The following TXNL1 variants were observed in gnomAD, a reference collection of about 807,000 sequenced individuals.
TXNL1 encodes the protein thioredoxin-like protein 1.
A neutral mutation model predicts 35.5 loss-of-function variants in TXNL1; 14 were observed. The ratio of observed to expected loss-of-function variants is 0.39; its 90% CI spans 0.26 to 0.62. The LOEUF (loss-of-function observed/expected upper bound fraction) is 0.62. Ranked by LOEUF, TXNL1 falls within the 20% of genes least tolerant of loss-of-function variation. The pLI is 0.47. For missense variants in TXNL1, 263 were observed against 349.7 expected, an observed-to-expected ratio of 0.75 and a Z score of 1.98; for synonymous variants, 110 against 115.5, an observed-to-expected ratio of 0.95 and a Z score of 0.31.
chr18:56,604,849 T>C (rs1044917821), intron 7 of TXNL1, among the ~76,000 whole-genome samples: 11 of 152,132 alleles, frequency 7.2e-5, no homozygotes, highest in African/African-American at 2.7e-4. Context: ...TAAAAGAACT[T>C]GATGCAACTG....
At chr18:56,606,201 C>A (rs1385763115) in intron 7 of TXNL1, among the ~76,000 whole-genome samples, 3 of 152,058 alleles carry the variant, frequency 2.0e-5, no homozygotes, top group East Asian at 3.9e-4. Flanking sequence ...ACGGTGAAAC[C>A]CCGTCTCTAC....
intron 3 of TXNL1, among the ~76,000 whole-genome samples, chr18:56,623,965 T>C (rs1421706934): frequency 6.6e-6 from 1 of 152,196 alleles, no homozygotes; most frequent in Non-Finnish European, 1.5e-5. Flanking sequence ...AATGCACATT[T>C]CTACATTTTC....
At chr18:56,622,537 C>A (rs974221434) in intron 3 of TXNL1, among the ~76,000 whole-genome samples, 2 of 151,948 alleles carry the variant, frequency 1.3e-5, no homozygotes, top group Admixed American at 1.3e-4. Context: ...TTGATTGACA[C>A]CTGACAGAAA....
chr18:56,637,887 AT>A (rs2024481608), intron 1 of TXNL1, among the ~76,000 whole-genome samples: 1 of 152,234 alleles, frequency 6.6e-6, no homozygotes, highest in African/African-American at 2.4e-5. Context: ...CCCCATCTGA[AT>A]CTTCAAAGGC....
chr18:56,612,602 T>C (rs2024015387), intron 6 of TXNL1, among the ~76,000 whole-genome samples: 1 of 152,066 alleles, frequency 6.6e-6, no homozygotes, highest in Non-Finnish European at 1.5e-5. Context: ...CTGAACTCTT[T>C]AGTGCAAGTG....
At position 56,601,852 on chromosome 18, in the gene TXNL1, T is replaced by TA. The variant is rs1276191046; in HGVS notation, c.*1174dup. The TA allele has an allele frequency of 1.3e-5, 2 of 152,210 alleles. No individual in the cohort carries two copies. The highest frequency in any genetic ancestry group is 2.9e-5 in the Non-Finnish European group (2 of 68,016). The allele number at this position is 152,210 out of a possible 1,614,324, so 9.4% of individuals were successfully genotyped here. On this transcript the variant is annotated 3_prime_UTR_variant, in exon 8 of 8. Coordinates refer to ENST00000217515, the MANE Select transcript of TXNL1 (RefSeq NM_004786.3). ...TACTTTTTAGATTACAATTTTAAGA[T>TA]AAAAAAGGTAACGAATAGGTATTTT...
intron 2 of TXNL1, 81 bp from the exon 3 acceptor site, chr18:56,624,542 A>T (rs1304187576): frequency 7.0e-7 from 1 of 1,427,876 alleles, no homozygotes; most frequent in African/African-American, 1.4e-5. Flanking sequence ...TATGGAAGTT[A>T]AATACCATAA....
chr18:56,630,092 G>A (rs1186919190), intron 1 of TXNL1, among the ~76,000 whole-genome samples: 2 of 151,976 alleles, frequency 1.3e-5, no homozygotes, highest in Admixed American at 6.6e-5. Context: ...CCAGCTATTC[G>A]GGAGGCTGAG....
rs1160643670 is a variant in TXNL1, at chr18:56,599,379, T to G, written c.*3648A>C. On this transcript the variant is annotated 3_prime_UTR_variant, in exon 8 of 8. Coordinates refer to ENST00000217515, the MANE Select transcript of TXNL1 (RefSeq NM_004786.3). The stretch of plus-strand genomic sequence containing the variant: ...CTTCCTTAAGAAGTATAGGCTTAAC[T>G]GGGGAATAGTCAATATTTTAAAATT... The G allele has an allele frequency of 9.2e-5, 14 of 152,108 alleles. No individual in the cohort carries two copies. In the South Asian group the frequency reaches 1.2e-3, roughly 14 times the overall value. 9.4% of individuals were successfully genotyped at this position (152,108 alleles called of 1,614,324 possible).
intron 3 of TXNL1, among the ~76,000 whole-genome samples, chr18:56,618,419 CAAATTA>C (rs1028321947): frequency 6.6e-6 from 1 of 152,076 alleles, no homozygotes; most frequent in African/African-American, 2.4e-5. Flanking sequence ...AGAAAATATG[CAAATTA>C]AAATATCCGT....
At chr18:56,617,409 C>G (rs1410814383) in intron 4 of TXNL1, among the ~76,000 whole-genome samples, 2 of 152,078 alleles carry the variant, frequency 1.3e-5, no homozygotes, top group African/African-American at 4.8e-5. Context: ...AAACATGCAA[C>G]TTTATATTTT....
chr18:56,621,132 AACT>A (rs1317397071), intron 3 of TXNL1, among the ~76,000 whole-genome samples: 1 of 152,194 alleles, frequency 6.6e-6, no homozygotes, highest in East Asian at 1.9e-4. Context: ...GATAAAAATA[AACT>A]AAGTGGGTAA....
Position 56,611,044 on chromosome 18 carries a change from A to G in TXNL1, c.789T>C (p.Phe263=), listed in dbSNP as rs2023981655. 1 of 1,608,766 alleles carries G rather than the reference A, an allele frequency of 6.2e-7. No homozygotes were observed. The highest frequency in any genetic ancestry group is 8.5e-7 in the Non-Finnish European group (1 of 1,178,412). Residue 263 remains phenylalanine, a synonymous_variant, in exon 7 of 8, where the codon TTT becomes TTC. Transcript: ENST00000217515. The stretch of plus-strand genomic sequence containing the variant: ...CCTGGACTGGAGTACCAATAAAAGT[A>G]AAATATGAAATTCTTGTTGTTTCCT... ...GEEETTRISY[F]TFIGTPVQAT...
intron 7 of TXNL1, among the ~76,000 whole-genome samples, chr18:56,604,259 G>T (rs1271378435): frequency 6.6e-6 from 1 of 152,166 alleles, no homozygotes; most frequent in African/African-American, 2.4e-5. Context: ...AGGGGAACTG[G>T]CATTATCTCT....
At chr18:56,608,086 T>C (rs2023931588) in intron 7 of TXNL1, among the ~76,000 whole-genome samples, 1 of 152,146 alleles carries the variant, frequency 6.6e-6, no homozygotes, top group African/African-American at 2.4e-5. Flanking sequence ...TCTAAGAATG[T>C]ATCCCCCCGC....
intron 6 of TXNL1, 47 bp from the exon 7 acceptor site, chr18:56,611,144 A>T (rs904415171): frequency 8.1e-7 from 1 of 1,227,170 alleles, no homozygotes; most frequent in African/African-American, 1.5e-5. Flanking sequence ...TTCTTCACAA[A>T]CATGCTTTAA....
intron 1 of TXNL1, among the ~76,000 whole-genome samples, chr18:56,632,654 T>C (rs1243307097): frequency 1.3e-5 from 2 of 152,254 alleles, no homozygotes; most frequent in African/African-American, 4.8e-5. Context: ...CATAACTGTA[T>C]GATTCTGTTT....
At position 56,638,570 on chromosome 18, in the gene TXNL1, A is replaced by G; in HGVS notation, c.-130T>C. 1.2e-6 allele frequency: 1 copy of G among 825,606 alleles called. No homozygotes were observed. Among genetic ancestry groups the G allele is most frequent in the Non-Finnish European group, 1.7e-6 (1 of 578,082 alleles). 51.1% of individuals were successfully genotyped at this position (825,606 alleles called of 1,614,324 possible). On this transcript the variant is annotated 5_prime_UTR_variant, in exon 1 of 8. Coordinates refer to ENST00000217515, the MANE Select transcript of TXNL1 (RefSeq NM_004786.3). ...TGGACAGAAGAGGTGGCGACCGCCG[A>G]GTCTTCTCCCGGGACTCTCAGTGCC...
At chr18:56,638,141 C>T (rs889922065) in intron 1 of TXNL1, among the ~76,000 whole-genome samples, 10 of 152,206 alleles carry the variant, frequency 6.6e-5, no homozygotes, top group Non-Finnish European at 1.5e-4. Context: ...GCCAGCCAGG[C>T]CCCCGAGCCC....
Sources: gnomAD v4.1 joint callset for allele counts (sites outside exome capture counted in the v4.1 genomes callset) on GRCh38, gnomAD v4.1.1 for gene constraint, MANE v1.5 for transcripts, NCBI Gene and HGNC (gene_info 2026-07-23, HGNC 2026-07-21) for gene names.